Variants in TEAD1 observed in about 807,000 individuals in gnomAD.
TEAD1 encodes transcriptional enhancer factor TEF-1.
In TEAD1, 9 loss-of-function variants were observed where a neutral mutation model predicts 54.9. The observed-to-expected ratio is 0.16, with a 90% CI of 0.10 to 0.29. The LOEUF (loss-of-function observed/expected upper bound fraction) is 0.29, where lower values mean the gene tolerates loss of function less well. Ranked by LOEUF, TEAD1 falls within the 10% of genes least tolerant of loss-of-function variation. The pLI, the probability that TEAD1 is intolerant of heterozygous loss-of-function variation, is 1.00. For synonymous variants in TEAD1, 200 were observed against 187.8 expected, an observed-to-expected ratio of 1.07 and a Z score of -0.53; for missense variants, 387 against 535.9, an observed-to-expected ratio of 0.72 and a Z score of 2.74.
rs1475561729 is a variant in TEAD1, at chr11:12,942,589, CCTT to C, written c.*5368_*5370del. 2.0e-5 allele frequency: 3 copies of C among 152,228 alleles called. No individual in the cohort carries two copies. Among genetic ancestry groups the C allele is most frequent in the African/African-American group, 7.2e-5 (3 of 41,458 alleles). 9.4% of individuals were successfully genotyped at this position (152,228 alleles called of 1,614,324 possible). On this transcript the variant is annotated 3_prime_UTR_variant, in exon 13 of 13. Coordinates refer to ENST00000527636, the MANE Select transcript of TEAD1 (RefSeq NM_021961.6). ...ACAGATACTACAGCTTTCTCCTCCT[CCTT>C]GTGTTCGTGTTCAGTCTCTGTGGAG... is the stretch of plus-strand genomic sequence containing the variant.
At chr11:12,894,918 G>C (rs1948280189) in intron 9 of TEAD1, among the ~76,000 whole-genome samples, 1 of 152,158 alleles carries the variant, frequency 6.6e-6, no homozygotes, top group South Asian at 2.1e-4. Flanking sequence ...AGTACAGTAG[G>C]TACTATTATT....
intron 6 of TEAD1, among the ~76,000 whole-genome samples, chr11:12,880,397 CAA>C (rs1365395788): frequency 6.6e-6 from 1 of 152,190 alleles, no homozygotes; most frequent in Non-Finnish European, 1.5e-5. Context: ...AGTAGCAAAA[CAA>C]GAGTTTGGAT....
intron 3 of TEAD1, among the ~76,000 whole-genome samples, chr11:12,831,848 CTTA>C (rs1946790892): frequency 6.6e-6 from 1 of 151,670 alleles, no homozygotes; most frequent in Non-Finnish European, 1.5e-5. Flanking sequence ...AATACATTTA[CTTA>C]TTTTTTACTT....
chr11:12,886,162 T>G (rs990901375), intron 9 of TEAD1, among the ~76,000 whole-genome samples: 16 of 152,222 alleles, frequency 1.1e-4, no homozygotes, highest in African/African-American at 3.9e-4. Flanking sequence ...CTGAAGTGTA[T>G]GTGGCAGTAT....
At chr11:12,794,849 G>A (rs1945881252) in intron 3 of TEAD1, among the ~76,000 whole-genome samples, 1 of 152,170 alleles carries the variant, frequency 6.6e-6, no homozygotes, top group Non-Finnish European at 1.5e-5. Context: ...TTCCTTTAAG[G>A]GGGATGATAA....
rs149157696 is a variant in TEAD1, at chr11:12,789,363, T to G, written c.202+24929T>G. ...TTGGCATTGCTTTTATTATTTATTT[T>G]TATTATTTTTGCTATATTCATAAAA... On this transcript the variant is annotated intron_variant, in intron 3 of 12. Coordinates refer to ENST00000527636, the MANE Select transcript of TEAD1 (RefSeq NM_021961.6). Among the ~76,000 whole-genome samples, 62 of 152,366 alleles carry G rather than the reference T, an allele frequency of 4.1e-4. 2 individuals are homozygous for G. Among genetic ancestry groups the G allele is most frequent in the African/African-American group, 1.4e-3 (59 of 41,592 alleles).
rs1490345326 is a variant in TEAD1, at chr11:12,919,020, T to C, written c.874-5892T>C. Among the ~76,000 whole-genome samples, 4 of 152,218 alleles carry C rather than the reference T, an allele frequency of 2.6e-5. No homozygotes were observed. In the East Asian group the frequency reaches 7.7e-4, roughly 29 times the overall value. On this transcript the variant is annotated intron_variant, in intron 10 of 12. Transcript: ENST00000527636. The stretch of plus-strand genomic sequence containing the variant: ...AAGGATATTTGGGGGAGAGAGGGAC[T>C]TCCATTTCTTCATCTGGGTGCTGGC...
chr11:12,866,450 T>C (rs974213972), intron 5 of TEAD1, among the ~76,000 whole-genome samples: 23 of 152,314 alleles, frequency 1.5e-4, no homozygotes, highest in African/African-American at 3.6e-4. Context: ...CCATGTGATA[T>C]AGGAAGCACT....
At chr11:12,700,402 G>A (rs1267076331) in intron 2 of TEAD1, among the ~76,000 whole-genome samples, 1 of 152,192 alleles carries the variant, frequency 6.6e-6, no homozygotes, top group Non-Finnish European at 1.5e-5. Context: ...GACAGGAATA[G>A]ACTCTTCATT....
chr11:12,932,301 A>G (rs1949024973), intron 12 of TEAD1, among the ~76,000 whole-genome samples: 1 of 152,276 alleles, frequency 6.6e-6, no homozygotes, highest in Admixed American at 6.5e-5. Flanking sequence ...CTAAGAATAG[A>G]TGCATCACTT....
intron 12 of TEAD1, among the ~76,000 whole-genome samples, chr11:12,934,927 A>G (rs1021833580): frequency 6.6e-6 from 1 of 152,096 alleles, no homozygotes; most frequent in African/African-American, 2.4e-5. Context: ...TACCTCTGAA[A>G]TGCAGAGTGA....
chr11:12,734,679 A>G (rs575841406), intron 2 of TEAD1, among the ~76,000 whole-genome samples: 32 of 152,320 alleles, frequency 2.1e-4, no homozygotes, highest in East Asian at 1.9e-3. Context: ...TTGAGTTACA[A>G]TTGCCTACAG....
At chr11:12,682,789 C>T (rs1433572153) in intron 2 of TEAD1, among the ~76,000 whole-genome samples, 1 of 152,138 alleles carries the variant, frequency 6.6e-6, no homozygotes, top group Non-Finnish European at 1.5e-5. Flanking sequence ...GCAGAGTTTA[C>T]AGATTAGCAA....
intron 2 of TEAD1, among the ~76,000 whole-genome samples, chr11:12,716,712 CAT>C (rs1247694185): frequency 2.0e-5 from 3 of 152,224 alleles, no homozygotes; most frequent in Admixed American, 6.5e-5. Context: ...TTTATGGACA[CAT>C]GTGAACTCCA....
chr11:12,782,256 A>T (rs1258305579), intron 3 of TEAD1, among the ~76,000 whole-genome samples: 1 of 152,252 alleles, frequency 6.6e-6, no homozygotes, highest in South Asian at 2.1e-4. Context: ...TAGCTATACA[A>T]TGGAATATTA....
At chr11:12,832,482 C>T (rs909425407) in intron 3 of TEAD1, among the ~76,000 whole-genome samples, 3 of 152,230 alleles carry the variant, frequency 2.0e-5, no homozygotes, top group Non-Finnish European at 4.4e-5. Context: ...TTTTTCTCCT[C>T]TTTCCATTAA....
chr11:12,691,128 G>GT lies in TEAD1; in HGVS notation c.-55+15576dup, dbSNP rs200777166. 7.2e-4 allele frequency among the ~76,000 whole-genome samples: 109 copies of GT among 151,766 alleles called. 1 individual carries two copies. Among genetic ancestry groups the GT allele is most frequent in the African/African-American group, 1.9e-3 (80 of 41,384 alleles). On this transcript the variant is annotated intron_variant, in intron 2 of 12. Coordinates refer to ENST00000527636, the MANE Select transcript of TEAD1 (RefSeq NM_021961.6). Reference sequence around the variant, plus strand: ...GCATATAGTTTGTAAAGGAAAGATAGTTTTTTTTTGTTTTGCATATCATTA... The same window carrying GT: ...GCATATAGTTTGTAAAGGAAAGATAGTTTTTTTTTTGTTTTGCATATCATTA...
intron 3 of TEAD1, among the ~76,000 whole-genome samples, chr11:12,818,283 C>G (rs554752323): frequency 6.6e-6 from 1 of 152,324 alleles, no homozygotes; most frequent in East Asian, 1.9e-4. Context: ...TCTCAAGGTT[C>G]TACATCCTGC....
intron 3 of TEAD1, among the ~76,000 whole-genome samples, chr11:12,792,227 A>G (rs995700574): frequency 1.3e-5 from 2 of 152,154 alleles, no homozygotes; most frequent in Non-Finnish European, 2.9e-5. Flanking sequence ...TTTGGTAGAT[A>G]ACTAATAACT....
Sources: allele counts gnomAD v4.1 joint callset (sites outside exome capture counted in the v4.1 genomes callset), GRCh38; gene constraint gnomAD v4.1.1; transcripts MANE v1.5; gene names NCBI Gene and HGNC (gene_info 2026-07-23, HGNC 2026-07-21).